LRCH3: variants seen among roughly 807,000 people sequenced by gnomAD.
LRCH3 encodes the protein leucine rich repeats and calponin homology domain containing 3, also known as DISP complex protein LRCH3.
In LRCH3, 68 loss-of-function variants were observed where a neutral mutation model predicts 104.5. That is an observed-to-expected ratio of 0.65 (90% CI 0.54 to 0.80). The LOEUF (loss-of-function observed/expected upper bound fraction) is 0.80. Ranked by LOEUF, LRCH3 falls within the 30% of genes least tolerant of loss-of-function variation. LRCH3 has a pLI of 0.00. For missense variants in LRCH3, 951 were observed against 953.9 expected (o/e 1.00, Z 0.04); for synonymous variants, 344 against 361.3 (o/e 0.95, Z 0.54).
chr3:197,862,994 T>C (rs1413095244), intron 15 of LRCH3, among the ~76,000 whole-genome samples: 1 of 152,110 alleles, frequency 6.6e-6, no homozygotes, highest in African/African-American at 2.4e-5. Context: ...ATTTATTTAT[T>C]ATTTATTTAT....
At chr3:197,861,970 A>T (rs75041976) in intron 15 of LRCH3, among the ~76,000 whole-genome samples, 22,948 of 152,092 alleles carry the variant, frequency 0.15, 2,191 homozygotes, top group African/African-American at 0.27. Flanking sequence ...CACGCCCAGT[A>T]GTATATTATC....
At chr3:197,835,652 G>GGT (rs759439428) in intron 8 of LRCH3, 22 bp from the exon 9 acceptor site, 72 of 1,575,262 alleles carry the variant, frequency 4.6e-5, no homozygotes, top group Middle Eastern at 1.7e-4. Flanking sequence ...TGTGTGTGTG[G>GGT]GTGTGTGTGT....
At chr3:197,871,278 G>C (rs564864341) in intron 18 of LRCH3, 47 bp from the exon 19 acceptor site, 1 of 1,433,566 alleles carries the variant, frequency 7.0e-7, no homozygotes, top group Non-Finnish European at 9.8e-7. Flanking sequence ...TGTCCTATAT[G>C]TCAGTCTTTC....
intron 13 of LRCH3, among the ~76,000 whole-genome samples, chr3:197,853,980 A>C (rs932478106): frequency 1.3e-5 from 2 of 152,224 alleles, no homozygotes; most frequent in African/African-American, 2.4e-5. Context: ...CAGTTCTAAA[A>C]ATTGTAATTG....
chr3:197,795,273 C>T (rs1731059127), intron 1 of LRCH3, among the ~76,000 whole-genome samples: 2 of 152,100 alleles, frequency 1.3e-5, no homozygotes, highest in African/African-American at 4.8e-5. Context: ...GGTAATAGTA[C>T]TCCAATTTTC....
At chr3:197,834,151 T>G (rs765886670) in intron 8 of LRCH3, among the ~76,000 whole-genome samples, 46 of 152,202 alleles carry the variant, frequency 3.0e-4, no homozygotes, top group Admixed American at 1.6e-3. Flanking sequence ...GGTTGTGGTT[T>G]AATGCATCTC....
intron 10 of LRCH3, among the ~76,000 whole-genome samples, chr3:197,846,686 T>G (rs1206516381): frequency 1.3e-5 from 2 of 152,212 alleles, no homozygotes; most frequent in Non-Finnish European, 2.9e-5. Context: ...TAGATCAGCC[T>G]GATAGGCTAA....
At chr3:197,843,753 A>AAGG (rs1738177217) in intron 10 of LRCH3, among the ~76,000 whole-genome samples, 1 of 152,222 alleles carries the variant, frequency 6.6e-6, no homozygotes, top group South Asian at 2.1e-4. Context: ...TCAAGATTTA[A>AAGG]AGGAGATACA....
intron 15 of LRCH3, 66 bp from the exon 16 acceptor site, chr3:197,865,357 T>C: frequency 3.5e-6 from 4 of 1,145,880 alleles, no homozygotes; most frequent in Non-Finnish European, 5.1e-6. Flanking sequence ...ATTTCAAAAT[T>C]ACCATAAAAG....
intron 1 of LRCH3, among the ~76,000 whole-genome samples, chr3:197,813,120 A>G (rs899480121): frequency 1.3e-5 from 2 of 152,152 alleles, no homozygotes; most frequent in Non-Finnish European, 2.9e-5. Context: ...TAGTGGCTGC[A>G]TATATTTATG....
Position 197,888,150 on chromosome 3 carries a change from T to C in LRCH3, c.*4484T>C, listed in dbSNP as rs1354815868. On this transcript the variant is annotated 3_prime_UTR_variant, in exon 21 of 21. Coordinates refer to ENST00000425562, the MANE Select transcript of LRCH3 (RefSeq NM_001365715.1). Reference sequence around the variant, plus strand: ...TGATGAATTCGTAAAAACTAAGCGCTTAAATGGTTATAGAAATGAAAACAT... The same window carrying C: ...TGATGAATTCGTAAAAACTAAGCGCCTAAATGGTTATAGAAATGAAAACAT... 2.0e-5 allele frequency: 3 copies of C among 152,238 alleles called. No individual in the cohort carries two copies. Among genetic ancestry groups the C allele is most frequent in the African/African-American group, 7.2e-5 (3 of 41,464 alleles). The allele number at this position is 152,238 out of a possible 1,614,324, so 9.4% of individuals were successfully genotyped here.
chr3:197,858,135 C>T (rs1580835938), intron 14 of LRCH3, among the ~76,000 whole-genome samples: 1 of 152,284 alleles, frequency 6.6e-6, no homozygotes, highest in Non-Finnish European at 1.5e-5. Flanking sequence ...CTCCATGTGG[C>T]AAATGAGAAA....
chr3:197,802,197 T>A (rs188111317), intron 1 of LRCH3, among the ~76,000 whole-genome samples: 35 of 152,316 alleles, frequency 2.3e-4, no homozygotes, highest in African/African-American at 8.2e-4. Context: ...CTTCATTACA[T>A]CAGCAAAATC....
chr3:197,883,322 G>C lies in LRCH3; in HGVS notation c.2209-219G>C. 1 of 1,324,442 alleles carries C rather than the reference G, an allele frequency of 7.6e-7. No homozygotes were observed. Among genetic ancestry groups the C allele is most frequent in the Non-Finnish European group, 9.6e-7 (1 of 1,036,368 alleles). The allele number at this position is 1,324,442 out of a possible 1,614,324, so 82.0% of individuals were successfully genotyped here. On this transcript the variant is annotated intron_variant, in intron 20 of 20. Coordinates refer to ENST00000425562, the MANE Select transcript of LRCH3 (RefSeq NM_001365715.1). The surrounding 1 kb of genome is among the most constrained non-coding windows in gnomAD (Gnocchi z 4.2). Reference sequence around the variant, plus strand: ...TTGTCAATTTTCCAATTTTGAAAATGATCTGTATGTACTTTTAGTTGTATT... The same window carrying C: ...TTGTCAATTTTCCAATTTTGAAAATCATCTGTATGTACTTTTAGTTGTATT...
At chr3:197,875,201 G>A (rs963923001) in intron 19 of LRCH3, among the ~76,000 whole-genome samples, 1 of 152,048 alleles carries the variant, frequency 6.6e-6, no homozygotes, top group African/African-American at 2.4e-5. Flanking sequence ...AAAGTGCTGG[G>A]ATTATGGCGT....
At chr3:197,833,520 A>G (rs1205709614) in intron 8 of LRCH3, among the ~76,000 whole-genome samples, 1 of 152,154 alleles carries the variant, frequency 6.6e-6, no homozygotes, top group African/African-American at 2.4e-5. Flanking sequence ...CCTGGGTGAC[A>G]GAATGAGACT....
At chr3:197,808,443 C>T (rs1732743969) in intron 1 of LRCH3, among the ~76,000 whole-genome samples, 1 of 152,174 alleles carries the variant, frequency 6.6e-6, no homozygotes, top group Admixed American at 6.5e-5. Flanking sequence ...CTTTCTTTCA[C>T]CACTTACTTT....
At chr3:197,818,710 T>G (rs1290301744) in intron 3 of LRCH3, among the ~76,000 whole-genome samples, 1 of 152,252 alleles carries the variant, frequency 6.6e-6, no homozygotes, top group African/African-American at 2.4e-5. Context: ...AACATTTTGT[T>G]TCTACTTATT....
In LRCH3 at chr3:197,800,727, A is replaced by G. The variant is rs148119095; in HGVS notation, c.262+9187A>G. ...GATATATAGTATGATAAGACTGTCC[A>G]TAGCATTATTCATATTTGACAAAAT... On this transcript the variant is annotated intron_variant, in intron 1 of 20. Transcript: ENST00000425562. 1.1e-3 allele frequency among the ~76,000 whole-genome samples: 175 copies of G among 152,368 alleles called. 1 individual carries two copies. The East Asian group carries it at 0.02, about 17-fold the overall frequency.
Sources: allele counts gnomAD v4.1 joint callset (sites outside exome capture counted in the v4.1 genomes callset), GRCh38; gene constraint gnomAD v4.1.1; non-coding constraint Gnocchi (gnomAD v3.1); transcripts MANE v1.5; gene names NCBI Gene and HGNC (gene_info 2026-07-23, HGNC 2026-07-21).